SLC14A2: variants seen among roughly 807,000 people sequenced by gnomAD.
SLC14A2 encodes urea transporter 2.
A neutral mutation model predicts 104.6 loss-of-function variants in SLC14A2; 91 were observed. That is an observed-to-expected ratio of 0.87 (90% CI 0.73 to 1.04). The LOEUF (loss-of-function observed/expected upper bound fraction) is 1.04. Among genes scored for constraint, SLC14A2 ranks in the 50% least tolerant of loss-of-function variants. SLC14A2 has a pLI of 0.00. For missense variants in SLC14A2, 1,189 were observed against 1,156.0 expected (o/e 1.03, Z -0.41); for synonymous variants, 476 against 466.4 (o/e 1.02, Z -0.27).
intron 2 of SLC14A2, among the ~76,000 whole-genome samples, chr18:45,501,668 A>C (rs575570623): frequency 5.9e-5 from 9 of 152,204 alleles, no homozygotes; most frequent in Non-Finnish European, 1.3e-4. Context: ...CCCAGAACAC[A>C]GTCAAGGTCC....
chr18:45,240,648 TTGTTTTTG>T (rs1289291790), intron 1 of SLC14A2, among the ~76,000 whole-genome samples: 3 of 150,460 alleles, frequency 2.0e-5, no homozygotes, highest in African/African-American at 7.5e-5. Context: ...TTTGTTTTTT[TTGTTTTTG>T]TTTTTGGTTT....
At position 45,539,894 on chromosome 18, in the gene SLC14A2, T is replaced by TA. The variant is rs531647287; in HGVS notation, c.-35+56586dup. 2.7e-3 allele frequency among the ~76,000 whole-genome samples: 362 copies of TA among 135,702 alleles called. 1 individual carries two copies. Among genetic ancestry groups the TA allele is most frequent in the Middle Eastern group, 7.4e-3 (2 of 272 alleles). The allele number at this position is 135,702 out of a possible 152,430, so 89.0% of individuals were successfully genotyped here. ...ACAGAAAGAAAAAAAATGAAAAGAG[T>TA]AAAAAAAAAAAAAATTTAAAAAAAA... On this transcript the variant is annotated intron_variant, in intron 2 of 20. Transcript: ENST00000586448.
chr18:45,623,696 G>A (rs146516139), intron 1 of SLC14A2, among the ~76,000 whole-genome samples: 5 of 152,218 alleles, frequency 3.3e-5, no homozygotes, highest in Admixed American at 6.5e-5. Context: ...ATGAGTATAC[G>A]GAATGGTAGT....
At chr18:45,500,926 A>G (rs1224367532) in intron 2 of SLC14A2, among the ~76,000 whole-genome samples, 1 of 152,222 alleles carries the variant, frequency 6.6e-6, no homozygotes, top group African/African-American at 2.4e-5. Context: ...AAGATAACAT[A>G]GCAAGAAGTA....
chr18:45,541,211 GTA>G (rs2043878761), intron 2 of SLC14A2, among the ~76,000 whole-genome samples: 1 of 152,166 alleles, frequency 6.6e-6, no homozygotes, highest in South Asian at 2.1e-4. Context: ...CCATATGTGT[GTA>G]TGTGTGTGTG....
chr18:45,445,115 T>TTC (rs2086745069), intron 1 of SLC14A2, among the ~76,000 whole-genome samples: 1 of 147,964 alleles, frequency 6.8e-6, no homozygotes, highest in Non-Finnish European at 1.5e-5. Flanking sequence ...GCTTTTTTTT[T>TTC]TTTTTTTTTT....
At chr18:45,293,000 C>A (rs779179845) in intron 1 of SLC14A2, among the ~76,000 whole-genome samples, 12 of 151,398 alleles carry the variant, frequency 7.9e-5, no homozygotes, top group African/African-American at 2.9e-4. Flanking sequence ...CCTGCCCCCC[C>A]GCAAAAAAAA....
intron 3 of SLC14A2, 117 bp from the exon 4 acceptor site, chr18:45,626,841 G>GT: frequency 1.4e-6 from 1 of 710,192 alleles, no homozygotes. Context: ...TGGCCTGGCT[G>GT]AATGGGAAGG....
At chr18:45,329,661 C>T (rs1248409618) in intron 1 of SLC14A2, among the ~76,000 whole-genome samples, 1 of 152,198 alleles carries the variant, frequency 6.6e-6, no homozygotes, top group African/African-American at 2.4e-5. Context: ...TACCTTGACT[C>T]TGCTGTGAGA....
chr18:45,416,696 G>T (rs1016353328), intron 1 of SLC14A2, among the ~76,000 whole-genome samples: 2 of 152,106 alleles, frequency 1.3e-5, no homozygotes, highest in African/African-American at 4.8e-5. Context: ...TCATTAACAT[G>T]ATATAAGTAA....
chr18:45,297,488 T>C (rs913133235), intron 1 of SLC14A2, among the ~76,000 whole-genome samples: 2 of 152,248 alleles, frequency 1.3e-5, no homozygotes, highest in Non-Finnish European at 2.9e-5. Context: ...GGGTAGCATG[T>C]CAGCCTGGGT....
chr18:45,453,817 T>C (rs369330146), intron 1 of SLC14A2, among the ~76,000 whole-genome samples: 6 of 149,914 alleles, frequency 4.0e-5, no homozygotes, highest in African/African-American at 1.5e-4. Flanking sequence ...AAAATTCCCA[T>C]AGCAAGTTCC....
At chr18:45,247,730 G>A (rs2084381402) in intron 1 of SLC14A2, among the ~76,000 whole-genome samples, 1 of 144,730 alleles carries the variant, frequency 6.9e-6, no homozygotes, top group African/African-American at 2.6e-5. Context: ...TATTAACACA[G>A]TCAAAGCACT....
chr18:45,427,730 G>A (rs1015514176), intron 1 of SLC14A2, among the ~76,000 whole-genome samples: 2 of 152,146 alleles, frequency 1.3e-5, no homozygotes, highest in African/African-American at 4.8e-5. Context: ...TCAGAAATGT[G>A]ACTATATTTG....
chr18:45,490,133 C>T (rs1339946080), intron 2 of SLC14A2, among the ~76,000 whole-genome samples: 1 of 152,138 alleles, frequency 6.6e-6, no homozygotes, highest in Non-Finnish European at 1.5e-5. Context: ...AATCAAAATT[C>T]ATTTGAAAGC....
intron 1 of SLC14A2, among the ~76,000 whole-genome samples, chr18:45,455,987 G>T (rs1024082731): frequency 5.3e-5 from 8 of 152,260 alleles, no homozygotes; most frequent in African/African-American, 1.9e-4. Flanking sequence ...GTGAATGAGG[G>T]TGCTGGGAGT....
chr18:45,570,455 G>A (rs200434803), intron 2 of SLC14A2, among the ~76,000 whole-genome samples: 1 of 152,222 alleles, frequency 6.6e-6, no homozygotes, highest in Admixed American at 6.5e-5. Flanking sequence ...ATCTGAGAGT[G>A]AGAAGAGAAT....
At chr18:45,194,779 G>A in the SLC14A2 span, among the ~76,000 whole-genome samples, 1 of 151,466 alleles carries the variant, frequency 6.6e-6, no homozygotes. Context: ...CCGAGTAGCT[G>A]GGACTACAGG....
At chr18:45,672,246 A>G (rs545541428) in intron 16 of SLC14A2, among the ~76,000 whole-genome samples, 129 of 152,256 alleles carry the variant, frequency 8.5e-4, no homozygotes, top group African/African-American at 3.1e-3. Flanking sequence ...AAAAAAAATC[A>G]TGGCCAGGCG....
Sources: gnomAD v4.1 joint callset for allele counts (sites outside exome capture counted in the v4.1 genomes callset) on GRCh38, gnomAD v4.1.1 for gene constraint, MANE v1.5 for transcripts, NCBI Gene and HGNC (gene_info 2026-07-23, HGNC 2026-07-21) for gene names.